The following OPCML variants were observed in gnomAD, a reference collection of about 807,000 sequenced individuals.
OPCML encodes the protein opioid-binding protein/cell adhesion molecule.
In OPCML, 13 loss-of-function variants were observed where a neutral mutation model predicts 37.8. The ratio of observed to expected loss-of-function variants is 0.34; its 90% confidence interval spans 0.22 to 0.55. The LOEUF is 0.55. OPCML is among the 20% of genes least tolerant of loss of function. The probability of loss-of-function intolerance (pLI) is 0.91; values close to 1 mark genes in which losing one functional copy is unlikely to be tolerated. For synonymous variants in OPCML, 176 were observed against 168.8 expected, an observed-to-expected ratio of 1.04 and a Z score of -0.33; for missense variants, 341 against 435.6, an observed-to-expected ratio of 0.78 and a Z score of 1.93.
intron 2 of OPCML, among the ~76,000 whole-genome samples, chr11:132,689,876 A>G (rs1262567883): frequency 6.6e-6 from 1 of 152,228 alleles, no homozygotes; most frequent in Non-Finnish European, 1.5e-5. Flanking sequence ...AGAAGTTAAC[A>G]AAGAATTAAA....
At chr11:132,789,080 T>G (rs1937719041) in intron 2 of OPCML, among the ~76,000 whole-genome samples, 1 of 152,206 alleles carries the variant, frequency 6.6e-6, no homozygotes, top group Non-Finnish European at 1.5e-5. Flanking sequence ...TCAGAGCCTT[T>G]GAACATGCCA....
chr11:132,552,890 C>T (rs538010065), intron 3 of OPCML, among the ~76,000 whole-genome samples: 4 of 151,346 alleles, frequency 2.6e-5, no homozygotes, highest in East Asian at 1.9e-4. Flanking sequence ...CTCAGCCTCC[C>T]GAGTAACTGG....
chr11:133,439,397 CT>C (rs919515234), intron 1 of OPCML: 2 of 985,006 alleles, frequency 2.0e-6, no homozygotes, highest in African/African-American at 3.5e-5. Context: ...AAAATTCCGT[CT>C]GTTTCAGGGA....
intron 3 of OPCML, among the ~76,000 whole-genome samples, chr11:132,584,080 A>T (rs1222096734): frequency 6.6e-6 from 1 of 152,228 alleles, no homozygotes; most frequent in Non-Finnish European, 1.5e-5. Context: ...ATAGAAGACA[A>T]GATTTTAAAA....
chr11:133,408,746 C>T (rs1378780746), intron 1 of OPCML, among the ~76,000 whole-genome samples: 1 of 152,158 alleles, frequency 6.6e-6, no homozygotes, highest in Admixed American at 6.5e-5. Context: ...GAAAACCCCA[C>T]CAACACCAGG....
chr11:133,109,712 G>C (rs1234224954), intron 1 of OPCML, among the ~76,000 whole-genome samples: 1 of 152,158 alleles, frequency 6.6e-6, no homozygotes, highest in East Asian at 1.9e-4. Flanking sequence ...CTGGTGACCT[G>C]ACCTCTTTGG....
At chr11:132,670,231 G>A (rs1167423611) in intron 2 of OPCML, among the ~76,000 whole-genome samples, 2 of 152,168 alleles carry the variant, frequency 1.3e-5, no homozygotes, top group East Asian at 3.8e-4. Flanking sequence ...AGTCTGGGGA[G>A]CTTGATATCT....
At chr11:132,864,322 A>C (rs1942435610) in intron 2 of OPCML, among the ~76,000 whole-genome samples, 1 of 152,146 alleles carries the variant, frequency 6.6e-6, no homozygotes, top group Non-Finnish European at 1.5e-5. Flanking sequence ...TTGTGAATTG[A>C]TTTTTCAGCA....
At chr11:133,007,313 T>G in intron 1 of OPCML, 1 of 985,420 alleles carries the variant, frequency 1.0e-6, no homozygotes, top group Non-Finnish European at 1.2e-6. Context: ...CATCTATAAA[T>G]GACCTCAGCA....
At chr11:132,782,917 G>GTGTATATATATATATA (rs376141259) in intron 2 of OPCML, among the ~76,000 whole-genome samples, 5 of 125,088 alleles carry the variant, frequency 4.0e-5, no homozygotes, top group African/African-American at 1.5e-4. Flanking sequence ...TATAGTGTGT[G>GTGTATATATATATATA]TATATATATA....
At chr11:133,141,039 C>CGAAGAAGAAGAAGAAGAAGAAGAAGAA (rs1348447381) in intron 1 of OPCML, among the ~76,000 whole-genome samples, 2 of 4,112 alleles carry the variant, frequency 4.9e-4, no homozygotes, top group South Asian at 0.017. Context: ...ACGACGACGA[C>CGAAGAAGAAGAAGAAGAAGAAGAAGAA]GACGACGACG....
intron 1 of OPCML, among the ~76,000 whole-genome samples, chr11:133,164,009 C>T (rs1002017882): frequency 4.6e-5 from 7 of 152,296 alleles, no homozygotes; most frequent in East Asian, 1.9e-4. Flanking sequence ...ACGTCTTACA[C>T]GCAACATTTC....
intron 1 of OPCML, among the ~76,000 whole-genome samples, chr11:132,973,177 C>G (rs1300057682): frequency 6.6e-6 from 1 of 152,170 alleles, no homozygotes; most frequent in Non-Finnish European, 1.5e-5. Flanking sequence ...CCATCCTGGC[C>G]TAGATTTTAA....
In OPCML at chr11:132,765,218, G is replaced by A. The variant is rs59683898; in HGVS notation, c.147-107899C>T. The stretch of plus-strand genomic sequence containing the variant: ...TTACTGGACTTTGACCTCATCCACA[G>A]TCTTGTTTCTGTTCTTAGTTGCCAC... On this transcript the variant is annotated intron_variant, in intron 2 of 7. Transcript: ENST00000524381. Among the ~76,000 whole-genome samples, 945 of 152,316 alleles carry A rather than the reference G, an allele frequency of 6.2e-3. 10 individuals carry two copies. The highest frequency in any genetic ancestry group is 0.02 in the African/African-American group (830 of 41,572).
chr11:132,498,995 G>A (rs1180986950), intron 4 of OPCML, among the ~76,000 whole-genome samples: 1 of 152,234 alleles, frequency 6.6e-6, no homozygotes, highest in Non-Finnish European at 1.5e-5. Flanking sequence ...TACTATTTTA[G>A]GCTTTCTGCG....
intron 2 of OPCML, among the ~76,000 whole-genome samples, chr11:132,689,998 T>C (rs532502227): frequency 3.5e-4 from 54 of 152,370 alleles, no homozygotes; most frequent in Admixed American, 1.2e-3. Context: ...AGCAACATTC[T>C]AAACAAGTTT....
intron 1 of OPCML, among the ~76,000 whole-genome samples, chr11:133,456,169 T>A (rs1946667875): frequency 6.6e-6 from 1 of 152,206 alleles, no homozygotes; most frequent in Non-Finnish European, 1.5e-5. Flanking sequence ...GGCAAATGAT[T>A]TTTAACAGAG....
intron 2 of OPCML, among the ~76,000 whole-genome samples, chr11:132,883,872 A>T (rs1322915474): frequency 6.6e-6 from 1 of 152,212 alleles, no homozygotes; most frequent in Non-Finnish European, 1.5e-5. Flanking sequence ...TGAGTCCTGG[A>T]TCTACTGCAC....
intron 2 of OPCML, among the ~76,000 whole-genome samples, chr11:132,882,421 C>A (rs1943253314): frequency 6.6e-6 from 1 of 152,146 alleles, no homozygotes; most frequent in Admixed American, 6.5e-5. Context: ...TAGCAAGCAT[C>A]CAGGGGAAGG....
Sources: allele counts gnomAD v4.1 joint callset (sites outside exome capture counted in the v4.1 genomes callset), GRCh38; gene constraint gnomAD v4.1.1; transcripts MANE v1.5; gene names NCBI Gene and HGNC (gene_info 2026-07-23, HGNC 2026-07-21).